SIL1: variants seen among roughly 807,000 people sequenced by gnomAD.
The protein encoded by SIL1 is nucleotide exchange factor SIL1.
In SIL1, 40 loss-of-function variants were observed where a neutral mutation model predicts 49.1. That is an observed-to-expected ratio of 0.81 (90% confidence interval 0.63 to 1.06). The LOEUF (loss-of-function observed/expected upper bound fraction) is 1.06, where lower values mean the gene tolerates loss of function less well. SIL1 is among the 50% of genes least tolerant of loss of function. The probability of loss-of-function intolerance (pLI) is 0.00; values close to 1 mark genes in which losing one functional copy is unlikely to be tolerated. For missense variants in SIL1, 500 were observed against 572.6 expected, an observed-to-expected ratio of 0.87 and a Z score of 1.29; for synonymous variants, 253 against 250.8, an observed-to-expected ratio of 1.01 and a Z score of -0.08.
chr5:139,057,384 C>G (rs570451617), intron 3 of SIL1, among the ~76,000 whole-genome samples: 2 of 151,382 alleles, frequency 1.3e-5, no homozygotes, highest in East Asian at 1.9e-4. Flanking sequence ...GAGACACCCA[C>G]GGAGAAGAAA....
At chr5:139,092,405 G>A (rs559838701) in intron 3 of SIL1, among the ~76,000 whole-genome samples, 1 of 152,290 alleles carries the variant, frequency 6.6e-6, no homozygotes, top group African/African-American at 2.4e-5. Flanking sequence ...GAACCCAACT[G>A]TGATATTTAA....
At chr5:138,985,786 C>T (rs1018932483) in intron 7 of SIL1, among the ~76,000 whole-genome samples, 2 of 152,188 alleles carry the variant, frequency 1.3e-5, no homozygotes, top group African/African-American at 2.4e-5. Flanking sequence ...ATATTTGCAT[C>T]ACCTCCCACC....
chr5:139,018,377 C>T (rs1377668246), intron 7 of SIL1, among the ~76,000 whole-genome samples: 1 of 152,092 alleles, frequency 6.6e-6, no homozygotes. Context: ...GGACAGATTG[C>T]TTGAGTCCGG....
intron 1 of SIL1, among the ~76,000 whole-genome samples, chr5:139,189,476 C>T (rs1416810986): frequency 6.6e-6 from 1 of 152,190 alleles, no homozygotes; most frequent in Admixed American, 6.5e-5. Context: ...AAGCTCAGGG[C>T]TCCCACTAAG....
chr5:138,992,200 C>T (rs1168460218), intron 7 of SIL1, among the ~76,000 whole-genome samples: 2 of 152,196 alleles, frequency 1.3e-5, no homozygotes, highest in African/African-American at 2.4e-5. Context: ...TACCTATATC[C>T]TCCAGATATC....
At chr5:139,038,390 T>G (rs2150442678) in intron 5 of SIL1, among the ~76,000 whole-genome samples, 1 of 152,356 alleles carries the variant, frequency 6.6e-6, no homozygotes, top group Non-Finnish European at 1.5e-5. Context: ...TTGTGTGGGT[T>G]GTGGCTCCAA....
At chr5:139,152,384 G>A (rs1751319971) in intron 1 of SIL1, among the ~76,000 whole-genome samples, 3 of 152,106 alleles carry the variant, frequency 2.0e-5, no homozygotes, top group Admixed American at 2.0e-4. Flanking sequence ...ACTTTAGGAG[G>A]CCGAGGCAGG....
intron 7 of SIL1, among the ~76,000 whole-genome samples, chr5:138,999,878 A>G (rs1451145298): frequency 6.6e-6 from 1 of 152,174 alleles, no homozygotes; most frequent in African/African-American, 2.4e-5. Context: ...AGCCTGGGTG[A>G]CAGAGTAAGT....
chr5:139,133,243 G>T (rs894092458), intron 1 of SIL1: 1 of 152,214 alleles, frequency 6.6e-6, no homozygotes. Flanking sequence ...GGACAGAAGA[G>T]ACAATAAGGT....
chr5:139,161,985 C>A (rs1452142401), intron 1 of SIL1, among the ~76,000 whole-genome samples: 1 of 151,746 alleles, frequency 6.6e-6, no homozygotes, highest in Non-Finnish European at 1.5e-5. Flanking sequence ...TGCACTCCAG[C>A]CTGGGCAACA....
chr5:138,968,689 CTTG>C (rs1307330588), intron 7 of SIL1, among the ~76,000 whole-genome samples: 1 of 152,182 alleles, frequency 6.6e-6, no homozygotes, highest in Admixed American at 6.5e-5. Context: ...TGGACTGTGC[CTTG>C]TTGTCTGTTC....
At chr5:139,116,011 G>A (rs1319397886) in intron 3 of SIL1, among the ~76,000 whole-genome samples, 2 of 152,212 alleles carry the variant, frequency 1.3e-5, no homozygotes, top group Non-Finnish European at 2.9e-5. Flanking sequence ...TGTCAGAGGA[G>A]TGGAGAACCA....
At chr5:139,121,359 T>C (rs1198560969) in intron 2 of SIL1, among the ~76,000 whole-genome samples, 186 bp from the exon 3 acceptor site, 1 of 152,162 alleles carries the variant, frequency 6.6e-6, no homozygotes, top group Admixed American at 6.5e-5. Context: ...GTGATATGGC[T>C]AAATGAATGC....
At chr5:139,076,912 C>T (rs1461254005) in intron 3 of SIL1, among the ~76,000 whole-genome samples, 1 of 152,158 alleles carries the variant, frequency 6.6e-6, no homozygotes, top group Non-Finnish European at 1.5e-5. Context: ...AGGCGGATCA[C>T]GAGGTCAGGA....
intron 1 of SIL1, among the ~76,000 whole-genome samples, chr5:139,190,436 G>A (rs529367855): frequency 3.3e-5 from 5 of 152,324 alleles, no homozygotes; most frequent in Admixed American, 3.3e-4. Context: ...TCATGTACAA[G>A]GCAGTAAGTG....
At chr5:138,977,271 C>T (rs1767414540) in intron 7 of SIL1, among the ~76,000 whole-genome samples, 3 of 152,098 alleles carry the variant, frequency 2.0e-5, no homozygotes, top group African/African-American at 7.2e-5. Flanking sequence ...ATCTGGGGAA[C>T]AATAATCTTC....
chr5:139,112,058 G>A (rs1333249799), intron 3 of SIL1, among the ~76,000 whole-genome samples: 1 of 152,236 alleles, frequency 6.6e-6, no homozygotes, highest in African/African-American at 2.4e-5. Flanking sequence ...TGTTGGCCGG[G>A]CTGGTCTCCA....
intron 3 of SIL1, among the ~76,000 whole-genome samples, chr5:139,113,897 G>T (rs1770931022): frequency 6.6e-6 from 1 of 152,142 alleles, no homozygotes; most frequent in Non-Finnish European, 1.5e-5. Flanking sequence ...CAGACATTTG[G>T]GTGTCCCAAC....
At chr5:139,014,102 A>T (rs1022257929) in intron 7 of SIL1, 3 of 152,174 alleles carry the variant, frequency 2.0e-5, no homozygotes, top group Non-Finnish European at 4.4e-5. Context: ...AGATGTATTA[A>T]AGAGTCAGTT....
Sources: allele counts gnomAD v4.1 joint callset (sites outside exome capture counted in the v4.1 genomes callset), GRCh38; gene constraint gnomAD v4.1.1; transcripts MANE v1.5; gene names NCBI Gene and HGNC (gene_info 2026-07-23, HGNC 2026-07-21).